Variants in NBAS observed in about 807,000 individuals in gnomAD.
NBAS encodes NBAS subunit of NRZ tethering complex, also known as NAG/BC035112 fusion.
In NBAS, 219 loss-of-function variants were observed where a neutral mutation model predicts 302.5. The observed-to-expected ratio is 0.72, with a 90% CI of 0.65 to 0.81. The LOEUF is 0.81. Ranked by LOEUF, NBAS falls within the 30% of genes least tolerant of loss-of-function variation. NBAS has a pLI of 0.00. For missense variants in NBAS, 2,932 were observed against 2,841.6 expected (o/e 1.03, Z -0.72); for synonymous variants, 1,118 against 1,021.6 (o/e 1.09, Z -1.80).
At chr2:15,163,023 G>C (rs1663931645), downstream of NBAS, among the ~76,000 whole-genome samples, 1 of 152,186 alleles carries the variant, frequency 6.6e-6, no homozygotes, top group African/African-American at 2.4e-5. Context: ...GGAAACAACA[G>C]ATCTCGTGCC....
chr2:15,095,636 C>CT, the NBAS span, among the ~76,000 whole-genome samples: 2 of 152,322 alleles, frequency 1.3e-5, no homozygotes, highest in East Asian at 3.9e-4. Context: ...TCTGGGTGCT[C>CT]TTTCTGCCTT....
chr2:14,885,332 C>T, the NBAS span, among the ~76,000 whole-genome samples: 2 of 151,910 alleles, frequency 1.3e-5, no homozygotes, highest in African/African-American at 2.4e-5. Context: ...GAGAAGGGAG[C>T]GAATCAAGGA....
intron 36 of NBAS, 51 bp from the exon 37 acceptor site, chr2:15,328,363 G>A: frequency 2.1e-6 from 3 of 1,455,450 alleles, no homozygotes; most frequent in Non-Finnish European, 2.9e-6. Context: ...GAGAAGGCAA[G>A]GAGGTAGAAG....
chr2:14,801,346 T>C, the NBAS span, among the ~76,000 whole-genome samples: 2 of 152,284 alleles, frequency 1.3e-5, no homozygotes, highest in Non-Finnish European at 2.9e-5. Flanking sequence ...CATAGCTCTG[T>C]TCATTTTAAA....
the NBAS span, among the ~76,000 whole-genome samples, chr2:14,786,580 C>T: frequency 6.6e-6 from 1 of 151,988 alleles, no homozygotes; most frequent in Non-Finnish European, 1.5e-5. Context: ...TTGTTATGTA[C>T]CCAGTAGTCA....
At chr2:15,559,061 T>TCAAAA (rs1664785221) in intron 1 of NBAS, among the ~76,000 whole-genome samples, 1 of 12,074 alleles carries the variant, frequency 8.3e-5, no homozygotes. Context: ...AGACCCTGCC[T>TCAAAA]CAAAAAAAAA....
the NBAS span, among the ~76,000 whole-genome samples, chr2:15,045,083 T>G: frequency 6.6e-6 from 1 of 152,150 alleles, no homozygotes; most frequent in Non-Finnish European, 1.5e-5. Context: ...CCTCCCAAAA[T>G]AAATATCAAA....
At chr2:15,354,263 C>CAGAT (rs1374115577) in intron 33 of NBAS, among the ~76,000 whole-genome samples, 6 of 152,290 alleles carry the variant, frequency 3.9e-5, no homozygotes, top group African/African-American at 1.4e-4. Context: ...ATAGATAAGA[C>CAGAT]AGACATCTAA....
chr2:15,165,348 T>C (rs1484837686), downstream of NBAS, among the ~76,000 whole-genome samples: 1 of 152,170 alleles, frequency 6.6e-6, no homozygotes, highest in African/African-American at 2.4e-5. Flanking sequence ...GGGAGAAATA[T>C]GGTGTCCTCT....
chr2:15,131,307 G>T, the NBAS span, among the ~76,000 whole-genome samples: 20 of 152,272 alleles, frequency 1.3e-4, no homozygotes, highest in African/African-American at 4.8e-4. Flanking sequence ...TCCAGGAGGA[G>T]AACGAGACTA....
At chr2:14,996,447 C>T in the NBAS span, among the ~76,000 whole-genome samples, 11 of 152,280 alleles carry the variant, frequency 7.2e-5, no homozygotes, top group South Asian at 4.1e-4. Flanking sequence ...CCACGGCAGA[C>T]GGCGTACAGC....
the NBAS span, among the ~76,000 whole-genome samples, chr2:14,932,102 T>C: frequency 0.36 from 54,546 of 152,058 alleles, 9,994 homozygotes; most frequent in African/African-American, 0.44. Context: ...TGAAGAGTTG[T>C]GGTCCCTGAC....
chr2:15,515,956 A>T (rs1218119506), intron 9 of NBAS, among the ~76,000 whole-genome samples: 1 of 152,204 alleles, frequency 6.6e-6, no homozygotes, highest in Admixed American at 6.5e-5. Context: ...ATGTTTCAGC[A>T]GTAAGATATG....
intron 11 of NBAS, among the ~76,000 whole-genome samples, chr2:15,494,980 A>G (rs1362430845): frequency 6.6e-6 from 1 of 152,194 alleles, no homozygotes; most frequent in Non-Finnish European, 1.5e-5. Context: ...GCAGCAATAC[A>G]ATAACTCTCC....
chr2:15,338,567 A>G (rs1335199027), intron 35 of NBAS, among the ~76,000 whole-genome samples: 1 of 152,048 alleles, frequency 6.6e-6, no homozygotes, highest in Non-Finnish European at 1.5e-5. Context: ...AGCTGCTCTC[A>G]TGTTTAGGGA....
chr2:15,010,082 C>T, the NBAS span, among the ~76,000 whole-genome samples: 3 of 152,100 alleles, frequency 2.0e-5, no homozygotes, highest in Non-Finnish European at 4.4e-5. Context: ...ATTACCCTTA[C>T]AATGGGAACA....
intron 48 of NBAS, among the ~76,000 whole-genome samples, chr2:15,207,954 A>G (rs980775504): frequency 6.6e-6 from 1 of 152,242 alleles, no homozygotes; most frequent in African/African-American, 2.4e-5. Context: ...TCACTATATA[A>G]TGATAAAAAG....
chr2:15,405,060 T>A (rs77692569), intron 25 of NBAS, among the ~76,000 whole-genome samples: 2,055 of 152,324 alleles, frequency 0.013, 33 homozygotes, highest in East Asian at 0.059. Flanking sequence ...TATGTCTCCT[T>A]GTTTTAGTCT....
chr2:15,341,884 G>A (rs1672869829), intron 35 of NBAS, among the ~76,000 whole-genome samples: 1 of 152,074 alleles, frequency 6.6e-6, no homozygotes, highest in Non-Finnish European at 1.5e-5. Flanking sequence ...ATGCAGAAAT[G>A]GATGTTCTGA....
Sources: gnomAD v4.1 joint callset for allele counts (sites outside exome capture counted in the v4.1 genomes callset) on GRCh38, gnomAD v4.1.1 for gene constraint, MANE v1.5 for transcripts, NCBI Gene and HGNC (gene_info 2026-07-23, HGNC 2026-07-21) for gene names.